The following FMN1 variants were observed in gnomAD, a reference collection of about 807,000 sequenced individuals.
The protein encoded by FMN1 is formin 1, also known as formin-1.
Under a neutral mutation model 132.4 loss-of-function variants are expected in FMN1, and 110 were observed. The ratio of observed to expected loss-of-function variants is 0.83; its 90% confidence interval spans 0.71 to 0.97. FMN1 has a LOEUF of 0.97. FMN1 is among the 50% of genes least tolerant of loss of function. The pLI, the probability that FMN1 is intolerant of heterozygous loss-of-function variation, is 0.00. For missense variants in FMN1, 1,792 were observed against 1,705.3 expected (o/e 1.05, Z -0.90); for synonymous variants, 722 against 651.7 (o/e 1.11, Z -1.64).
At chr15:32,823,153 T>TC (rs1567224706) in intron 17 of FMN1, among the ~76,000 whole-genome samples, 3 of 6,178 alleles carry the variant, frequency 4.9e-4, no homozygotes, top group Non-Finnish European at 2.7e-3. Context: ...GTTTCTACTG[T>TC]TTTTTTTTTT....
rs146065162 is a variant in FMN1, at chr15:33,127,262, C to G, written c.1867+25786G>C. Among the ~76,000 whole-genome samples the G allele has an allele frequency of 6.8e-3, 1,037 of 152,276 alleles. 15 individuals carry two copies. The highest frequency in any genetic ancestry group is 0.024 in the African/African-American group (982 of 41,546). ...CATCACTACCTAACCACAGATCTCC[C>G]TCCTTATTCTTCACAACAAGAATCC... On this transcript the variant is annotated intron_variant, in intron 4 of 20. Transcript: ENST00000616417.
At chr15:32,787,045 C>G (rs2056903971) in intron 19 of FMN1, among the ~76,000 whole-genome samples, 1 of 152,184 alleles carries the variant, frequency 6.6e-6, no homozygotes, top group Non-Finnish European at 1.5e-5. Flanking sequence ...TCCATCTTGA[C>G]AACAGTCACT....
rs1377761308 is a variant in FMN1 at position 32,770,325 on chromosome 15, G to C, written c.*3985C>G. On this transcript the variant is annotated 3_prime_UTR_variant, in exon 21 of 21. Coordinates refer to ENST00000616417, the MANE Select transcript of FMN1 (RefSeq NM_001277313.2). ...TCTGCATCAATGACACTGGCCAAGG[G>C]AGAAGCAGAAACAGAAATGAGGACA... 6.6e-6 allele frequency: 1 copy of C among 152,206 alleles called. No homozygotes were observed. The highest frequency in any genetic ancestry group is 1.9e-4 in the East Asian group (1 of 5,200). 9.4% of individuals were successfully genotyped at this position (152,206 alleles called of 1,614,324 possible). A position where few individuals can be genotyped will look rare whatever the true frequency, so the allele number is the denominator to read the frequency against.
chr15:32,947,062 G>A (rs955141571), intron 9 of FMN1, among the ~76,000 whole-genome samples: 1 of 152,080 alleles, frequency 6.6e-6, no homozygotes, highest in African/African-American at 2.4e-5. Context: ...TTATTTTAAT[G>A]TAGTCACATT....
At chr15:33,031,519 T>C (rs1311371217) in intron 6 of FMN1, among the ~76,000 whole-genome samples, 3 of 152,180 alleles carry the variant, frequency 2.0e-5, no homozygotes, top group Non-Finnish European at 4.4e-5. Context: ...ACTTGGCCAT[T>C]ACTATCCCCA....
intron 6 of FMN1, among the ~76,000 whole-genome samples, chr15:33,031,185 A>G (rs1160142641): frequency 2.6e-5 from 4 of 152,208 alleles, no homozygotes; most frequent in Non-Finnish European, 1.5e-5. Context: ...CGAACCCAGG[A>G]AGCCTAACTC....
intron 7 of FMN1, among the ~76,000 whole-genome samples, chr15:32,997,461 T>C (rs1016556495): frequency 2.6e-5 from 4 of 152,054 alleles, no homozygotes; most frequent in Admixed American, 6.6e-5. Context: ...CATATCAAAT[T>C]TAGAAACCAG....
chr15:33,073,376 A>G (rs902093321), intron 5 of FMN1, among the ~76,000 whole-genome samples: 1 of 152,256 alleles, frequency 6.6e-6, no homozygotes, highest in African/African-American at 2.4e-5. Flanking sequence ...AACAAAAAGT[A>G]GAAAGTGTAG....
chr15:32,930,431 G>A (rs531070866), intron 9 of FMN1, among the ~76,000 whole-genome samples: 3 of 149,240 alleles, frequency 2.0e-5, no homozygotes, highest in African/African-American at 4.9e-5. Context: ...TTTTGACAGT[G>A]GCCATTCTGA....
intron 19 of FMN1, among the ~76,000 whole-genome samples, chr15:32,781,234 A>C (rs1218288190): frequency 6.6e-6 from 1 of 152,228 alleles, no homozygotes; most frequent in Non-Finnish European, 1.5e-5. Context: ...GACATTTAAA[A>C]AATATGCTTT....
intron 15 of FMN1, among the ~76,000 whole-genome samples, chr15:32,892,129 G>C (rs954676410): frequency 3.3e-5 from 5 of 152,082 alleles, no homozygotes; most frequent in African/African-American, 1.2e-4. Flanking sequence ...TCCTTGTCTT[G>C]TTCCAGTTCT....
intron 4 of FMN1, among the ~76,000 whole-genome samples, chr15:33,125,715 A>AAG (rs1962995569): frequency 6.6e-6 from 1 of 151,330 alleles, no homozygotes; most frequent in African/African-American, 2.5e-5. Context: ...AAAAAAAAAA[A>AAG]AAAATTAAGA....
chr15:33,070,676 T>C (rs1261421538), intron 5 of FMN1, among the ~76,000 whole-genome samples: 2 of 152,094 alleles, frequency 1.3e-5, no homozygotes, highest in East Asian at 1.9e-4. Flanking sequence ...TAAGGTATTA[T>C]TAGGCCCATT....
At chr15:32,848,831 T>G (rs1398034603) in intron 17 of FMN1, among the ~76,000 whole-genome samples, 1 of 152,228 alleles carries the variant, frequency 6.6e-6, no homozygotes, top group African/African-American at 2.4e-5. Context: ...TTCTACCTGC[T>G]GCAGCAATGA....
At chr15:33,030,651 ACTGATT>A (rs1255764207) in intron 6 of FMN1, among the ~76,000 whole-genome samples, 1 of 152,152 alleles carries the variant, frequency 6.6e-6, no homozygotes, top group African/African-American at 2.4e-5. Context: ...CAAGAACACC[ACTGATT>A]CTAAGATGCA....
intron 16 of FMN1, among the ~76,000 whole-genome samples, chr15:32,863,777 G>A (rs1231984807): frequency 6.6e-6 from 1 of 152,170 alleles, no homozygotes; most frequent in Admixed American, 6.5e-5. Flanking sequence ...GTTAGAAAAA[G>A]TGAATGTCCT....
At chr15:32,808,316 A>G (rs534558955) in intron 17 of FMN1, among the ~76,000 whole-genome samples, 2 of 152,326 alleles carry the variant, frequency 1.3e-5, no homozygotes, top group South Asian at 4.1e-4. Flanking sequence ...GAGTGTCATG[A>G]GCCAATCACA....
chr15:32,901,888 T>A, intron 13 of FMN1, 23 bp downstream of exon 13: 1 of 1,588,302 alleles, frequency 6.3e-7, no homozygotes, highest in Non-Finnish European at 8.5e-7. Context: ...AAGGCTATCT[T>A]TTAAATTAGA....
chr15:32,785,800 T>A (rs1253102716), intron 19 of FMN1, among the ~76,000 whole-genome samples: 3 of 152,106 alleles, frequency 2.0e-5, no homozygotes, highest in Admixed American at 2.0e-4. Flanking sequence ...AGATCATGTA[T>A]GTTTCTTGAT....
Sources: allele counts gnomAD v4.1 joint callset (sites outside exome capture counted in the v4.1 genomes callset), GRCh38; gene constraint gnomAD v4.1.1; transcripts MANE v1.5; gene names NCBI Gene and HGNC (gene_info 2026-07-23, HGNC 2026-07-21).